Variants in PITRM1 observed in about 807,000 individuals in gnomAD.
The protein encoded by PITRM1 is pitrilysin metallopeptidase 1.
PITRM1 carries 100 observed loss-of-function variants against 129.9 expected under a neutral mutation model. That is an observed-to-expected ratio of 0.77 (90% confidence interval 0.65 to 0.91). The LOEUF (loss-of-function observed/expected upper bound fraction) is 0.91, where lower values mean the gene tolerates loss of function less well. Among genes scored for constraint, PITRM1 ranks in the 40% least tolerant of loss-of-function variants. The pLI is 0.00. For missense variants in PITRM1, 1,471 were observed against 1,318.3 expected (o/e 1.12, Z -1.79); for synonymous variants, 591 against 508.8 (o/e 1.16, Z -2.17).
At chr10:3,149,890 C>A in intron 15 of PITRM1, 137 bp from the exon 16 acceptor site, 1 of 912,024 alleles carries the variant, frequency 1.1e-6, no homozygotes, top group Non-Finnish European at 1.7e-6. Flanking sequence ...TATAAATTTC[C>A]CAATCATATT....
chr10:3,170,558 G>A (rs1408864769), intron 1 of PITRM1, among the ~76,000 whole-genome samples: 1 of 152,212 alleles, frequency 6.6e-6, no homozygotes, highest in South Asian at 2.1e-4. Flanking sequence ...AGTATACCAA[G>A]AAATTCACAC....
rs760784650 is a variant in PITRM1, at chr10:3,160,330, C to T, written c.792G>A (p.Arg264=). 1 of 1,608,224 alleles carries T rather than the reference C, an allele frequency of 6.2e-7. No homozygotes were observed. The highest frequency in any genetic ancestry group is 1.7e-5 in the Admixed American group (1 of 59,988). The change falls in exon 8 of 27, where the codon AGG becomes AGA. Residue 264 remains arginine, a splice_region_variant and synonymous_variant. Transcript: ENST00000224949. ...HATHYHPSNA[R]FFTYGNFPLE... The stretch of plus-strand genomic sequence containing the variant: ...ATGGAAAATTACCGTACGTGAAGAA[C>T]CTAAAATTTTAAGGGAATATAATTA...
In PITRM1 at chr10:3,139,024, G is replaced by A. The variant is rs1402063792; in HGVS notation, c.2797C>T (p.Gln933Ter). The A allele has an allele frequency of 1.2e-6, 2 of 1,613,814 alleles. No homozygotes were observed. Among genetic ancestry groups the A allele is most frequent in the South Asian group, 1.1e-5 (1 of 91,086 alleles). ...YRDPNTIETL[Q>*]SFGKAVDWAK... The stretch of plus-strand genomic sequence containing the variant: ...CAGTCGACAGCCTTCCCAAAAGACT[G>A]GAGCGTCTCTATTGTATTTGGGTCC... The change falls in exon 25 of 27, where the codon CAG becomes TAG. Residue 933 changes from glutamine to a stop codon, truncating the protein, a stop_gained. Transcript: ENST00000224949. LOFTEE classifies it high-confidence loss of function.
chr10:3,146,798 C>A, intron 20 of PITRM1: 1 of 177,522 alleles, frequency 5.6e-6, no homozygotes, highest in Non-Finnish European at 1.2e-5. Context: ...CAGATGTTTC[C>A]TCAAAGCATC....
chr10:3,166,389 G>GA lies in PITRM1; in HGVS notation c.267-10_267-9insT, dbSNP rs58131139. On this transcript the variant is annotated splice_polypyrimidine_tract_variant and intron_variant, in intron 3 of 26. Transcript: ENST00000224949. ...TAGTACGGAACTGCACGCTAGGGAA[G>GA]GAGAATGACCAGAACGCAAAAGGTT... 0.67 allele frequency: 854,503 copies of GA among 1,272,740 alleles called. 299,891 individuals are homozygous for GA. Among genetic ancestry groups the GA allele is most frequent in the Non-Finnish European group, 0.7 (618,758 of 889,314 alleles). 78.8% of individuals were successfully genotyped at this position (1,272,740 alleles called of 1,614,324 possible).
chr10:3,168,994 C>T (rs1843122783), intron 2 of PITRM1, among the ~76,000 whole-genome samples: 1 of 143,558 alleles, frequency 7.0e-6, no homozygotes. Context: ...GCACCTTGTC[C>T]CAGCTACTTG....
At chr10:3,163,363 G>A (rs889103572) in intron 7 of PITRM1, 8 of 161,656 alleles carry the variant, frequency 4.9e-5, no homozygotes, top group African/African-American at 9.6e-5. Flanking sequence ...GCACTTCTCC[G>A]TGCCAAGGAG....
At chr10:3,147,916 T>G in intron 18 of PITRM1, 71 bp downstream of exon 18, 3 of 1,286,376 alleles carry the variant, frequency 2.3e-6, no homozygotes, top group Non-Finnish European at 3.4e-6. Context: ...TAAAACTGTC[T>G]CCTTTAAAGT....
intron 7 of PITRM1, among the ~76,000 whole-genome samples, chr10:3,161,643 G>A (rs1842446483): frequency 6.6e-6 from 1 of 151,172 alleles, no homozygotes. Context: ...AACCTCTGGA[G>A]CAGGGAGGGC....
intron 25 of PITRM1, 101 bp downstream of exon 25, chr10:3,138,803 C>T (rs766274555): frequency 5.5e-6 from 6 of 1,087,018 alleles, no homozygotes; most frequent in South Asian, 5.0e-5. Flanking sequence ...ATGGAGGCAC[C>T]AGAAGCTAGT....
intron 14 of PITRM1, 37 bp downstream of exon 14, chr10:3,155,554 G>T: frequency 6.2e-7 from 1 of 1,612,478 alleles, no homozygotes; most frequent in Middle Eastern, 1.7e-4. Flanking sequence ...CCCGAGTGCA[G>T]GTTAGGGACT....
chr10:3,158,210 C>G, intron 10 of PITRM1, 57 bp from the exon 11 acceptor site: 1 of 924,238 alleles, frequency 1.1e-6, no homozygotes, highest in Non-Finnish European at 1.7e-6. Context: ...ATCATGCCCT[C>G]GTAATATGCT....
rs60329874 is a variant in PITRM1 at position 3,171,598 on chromosome 10, G to A, written c.56+1119C>T. Among the ~76,000 whole-genome samples, 1,091 of 152,156 alleles carry A rather than the reference G, an allele frequency of 7.2e-3. 7 individuals carry two copies. Among genetic ancestry groups the A allele is most frequent in the African/African-American group, 0.025 (1,037 of 41,496 alleles). ...TGGGACTACAAGTGCTCACTACTAC[G>A]CCCAGCTAATTTTTGTATTTTTAGT... On this transcript the variant is annotated intron_variant, in intron 1 of 26. Transcript: ENST00000224949.
intron 16 of PITRM1, 130 bp from the exon 17 acceptor site, chr10:3,148,421 C>T (rs1300323853): frequency 8.5e-7 from 1 of 1,177,274 alleles, no homozygotes; most frequent in Non-Finnish European, 1.2e-6. Context: ...CCTCTCTACA[C>T]TTCGAAGGTC....
chr10:3,138,649 C>CA (rs1483553721), intron 25 of PITRM1: 1 of 618,342 alleles, frequency 1.6e-6, no homozygotes, highest in African/African-American at 1.8e-5. Flanking sequence ...GTCCTCCTTC[C>CA]ACCCTAAAGA....
At chr10:3,143,307 A>G (rs569039343) in intron 23 of PITRM1, 82 bp downstream of exon 23, 41 of 864,904 alleles carry the variant, frequency 4.7e-5, no homozygotes, top group South Asian at 2.0e-4. Flanking sequence ...CTGTGCTAAA[A>G]CACGCCCTGT....
chr10:3,138,639 G>A (rs1029004742), intron 25 of PITRM1: 40 of 612,338 alleles, frequency 6.5e-5, no homozygotes, highest in African/African-American at 1.5e-4. Context: ...CCGTGCCCAC[G>A]TCCTCCTTCC....
rs1329052806 is a variant in PITRM1, at chr10:3,166,238, C to T, written c.409G>A (p.Ala137Thr). The change falls in exon 4 of 27, where the codon GCC becomes ACC. Residue 137 changes from alanine to threonine, a missense_variant. Physicochemically the swap from Ala to Thr is moderately conservative, Grantham distance 58. Coordinates refer to ENST00000224949, the MANE Select transcript of PITRM1 (RefSeq NM_014889.4). ...LNRSLSTFMN[A>T]FTASDYTLYP... ...AGGATGCTGGTCTTACCTGTGAAGG[C>T]GTTCATGAACGTGGAGAGGGACCGG... 9 of 1,610,030 alleles carry T rather than the reference C, an allele frequency of 5.6e-6. No individual in the cohort carries two copies. Among genetic ancestry groups the T allele is most frequent in the Admixed American group, 5.0e-5 (3 of 59,504 alleles).
chr10:3,142,749 G>T (rs1401263257), intron 23 of PITRM1, among the ~76,000 whole-genome samples: 2 of 152,202 alleles, frequency 1.3e-5, no homozygotes, highest in African/African-American at 4.8e-5. Context: ...CTGAGCTTCT[G>T]ACTTGGTGGG....
Sources: allele counts gnomAD v4.1 joint callset (sites outside exome capture counted in the v4.1 genomes callset), GRCh38; gene constraint gnomAD v4.1.1; transcripts MANE v1.5; gene names NCBI Gene and HGNC (gene_info 2026-07-23, HGNC 2026-07-21).